The following TTC23L variants were observed in gnomAD, a reference collection of about 807,000 sequenced individuals.
TTC23L encodes tetratricopeptide repeat protein 23-like.
A neutral mutation model predicts 48.1 loss-of-function variants in TTC23L; 42 were observed. The observed-to-expected ratio is 0.87, with a 90% CI of 0.68 to 1.13. TTC23L has a LOEUF of 1.13. TTC23L is among the 50% of genes most tolerant of loss of function. TTC23L has a pLI of 0.00. For missense variants in TTC23L, 391 were observed against 421.0 expected, an observed-to-expected ratio of 0.93 and a Z score of 0.62; for synonymous variants, 159 against 157.2, an observed-to-expected ratio of 1.01 and a Z score of -0.09.
At chr5:34,916,057 T>G in the TTC23L span, 1 of 826,214 alleles carries the variant, frequency 1.2e-6, no homozygotes, top group Non-Finnish European at 1.8e-6. Flanking sequence ...GCACGGAGTT[T>G]GCAGCTAATC....
downstream of TTC23L, among the ~76,000 whole-genome samples, chr5:34,902,928 C>T (rs983065318): frequency 1.3e-5 from 2 of 149,344 alleles, no homozygotes; most frequent in Non-Finnish European, 3.0e-5. Context: ...TTTTCACATA[C>T]GTAGTTGAAA....
At chr5:34,864,369 T>G in intron 5 of TTC23L, 68 bp from the exon 6 acceptor site, 1 of 1,555,760 alleles carries the variant, frequency 6.4e-7, no homozygotes, top group African/African-American at 1.4e-5. Context: ...TTTTGTTTCC[T>G]TATCACCTGC....
At chr5:34,911,984 A>C in the TTC23L span, among the ~76,000 whole-genome samples, 8 of 152,254 alleles carry the variant, frequency 5.3e-5, no homozygotes, top group Non-Finnish European at 1.2e-4. Flanking sequence ...TTGTGTGTAG[A>C]GAATTCCAAA....
intron 8 of TTC23L, among the ~76,000 whole-genome samples, chr5:34,878,423 A>C (rs1333157722): frequency 6.6e-6 from 1 of 152,214 alleles, no homozygotes; most frequent in African/African-American, 2.4e-5. Context: ...GACTCAATAA[A>C]AAAATATAAA....
intron 8 of TTC23L, among the ~76,000 whole-genome samples, chr5:34,875,918 A>G (rs1434470902): frequency 6.6e-6 from 1 of 152,222 alleles, no homozygotes; most frequent in Admixed American, 6.5e-5. Context: ...CAAATTTAAA[A>G]GAAAATGTAC....
intron 9 of TTC23L, among the ~76,000 whole-genome samples, chr5:34,888,058 G>A (rs1014798247): frequency 6.6e-6 from 1 of 152,212 alleles, no homozygotes; most frequent in African/African-American, 2.4e-5. Flanking sequence ...AAGGTGACTA[G>A]GACTCAAGGT....
chr5:34,921,561 C>T, the TTC23L span: 2 of 152,016 alleles, frequency 1.3e-5, no homozygotes, highest in Non-Finnish European at 2.9e-5. Context: ...ATGCTTTATC[C>T]GTAGGGCATC....
intron 3 of TTC23L, among the ~76,000 whole-genome samples, chr5:34,846,600 T>TATATATATATATATATATATATAC (rs61009546): frequency 4.3e-5 from 4 of 92,912 alleles, no homozygotes; most frequent in African/African-American, 1.0e-4. Context: ...TATATATATA[T>TATATATATATATATATATATATAC]ACACACACAT....
At chr5:34,889,850 GTTTTTT>G (rs1040767142) in intron 9 of TTC23L, among the ~76,000 whole-genome samples, 2 of 149,964 alleles carry the variant, frequency 1.3e-5, no homozygotes, top group Non-Finnish European at 3.0e-5. Flanking sequence ...TTTTGTTTTT[GTTTTTT>G]TGAGACAGAG....
At chr5:34,846,654 C>CAT (rs200846206) in intron 3 of TTC23L, among the ~76,000 whole-genome samples, 2 of 89,438 alleles carry the variant, frequency 2.2e-5, no homozygotes, top group Non-Finnish European at 4.7e-5. Context: ...TATACAAATA[C>CAT]ATATATGTGT....
chr5:34,840,571 G>C lies in TTC23L; in HGVS notation c.-7-94G>C. 11 of 1,049,562 alleles carry C rather than the reference G, an allele frequency of 1.0e-5. No homozygotes were observed. The South Asian group carries it at 1.3e-4, about 12-fold the overall frequency. 65.0% of individuals were successfully genotyped at this position (1,049,562 alleles called of 1,614,324 possible). ...TTAGGATGGGTTATATATTTGAGCA[G>C]TTTTAGTTTAATGTTAATAGCAAAC... On this transcript the variant is annotated intron_variant, in intron 1 of 10. Transcript: ENST00000505624.
chr5:34,913,604 T>C, the TTC23L span: 1 of 1,420,604 alleles, frequency 7.0e-7, no homozygotes, highest in Non-Finnish European at 9.7e-7. Context: ...AAATGAAAAT[T>C]GTTACATAAA....
chr5:34,861,321 A>G lies in TTC23L; in HGVS notation c.380-1577A>G, dbSNP rs182815515. The G allele has an allele frequency of 1.1e-3, 185 of 165,598 alleles. 1 individual carries two copies. The highest frequency in any genetic ancestry group is 4.3e-3 in the African/African-American group (178 of 41,846). The allele number at this position is 165,598 out of a possible 1,614,324, so 10.3% of individuals were successfully genotyped here. A position where few individuals can be genotyped will look rare whatever the true frequency, so the allele number is the denominator to read the frequency against. On this transcript the variant is annotated intron_variant, in intron 4 of 10. Coordinates refer to ENST00000505624, the Ensembl canonical transcript of TTC23L. ...TTACTTTGCCAGTTTGCTGACCTTT[A>G]TAGTGTCCTTGCACAATCTGAACTT...
intron 3 of TTC23L, among the ~76,000 whole-genome samples, chr5:34,846,576 A>AAAAAT (rs1208315692): frequency 1.0e-5 from 1 of 98,346 alleles, no homozygotes; most frequent in East Asian, 2.2e-4. Flanking sequence ...AAAAAAAAAA[A>AAAAAT]ATATATATAT....
At chr5:34,850,421 C>T (rs975884589) in intron 4 of TTC23L, 113 bp downstream of exon 4, 1 of 1,300,658 alleles carries the variant, frequency 7.7e-7, no homozygotes, top group Non-Finnish European at 1.1e-6. Context: ...GCCCCTAGCT[C>T]ACACATTATC....
chr5:34,908,744 A>G, the TTC23L span: 1 of 1,562,446 alleles, frequency 6.4e-7, no homozygotes, highest in Non-Finnish European at 8.7e-7. Flanking sequence ...TGTACACATA[A>G]ATATCAGTGA....
At chr5:34,919,890 T>C in the TTC23L span, 1 of 1,117,674 alleles carries the variant, frequency 8.9e-7, no homozygotes, top group Non-Finnish European at 1.3e-6. Context: ...CGAGGTAATT[T>C]TGGAAAGTAA....
chr5:34,893,518 A>G (rs959562190), intron 9 of TTC23L, among the ~76,000 whole-genome samples: 4 of 152,208 alleles, frequency 2.6e-5, no homozygotes, highest in Admixed American at 2.6e-4. Flanking sequence ...CTTATTTCAG[A>G]GAGAATATAA....
At chr5:34,873,508 C>T (rs990533794) in intron 8 of TTC23L, among the ~76,000 whole-genome samples, 1 of 152,130 alleles carries the variant, frequency 6.6e-6, no homozygotes, top group Non-Finnish European at 1.5e-5. Flanking sequence ...GGAGAACCGG[C>T]AGCTTTGCTG....
Sources: gnomAD v4.1 joint callset for allele counts (sites outside exome capture counted in the v4.1 genomes callset) on GRCh38, gnomAD v4.1.1 for gene constraint, MANE v1.5 for transcripts, NCBI Gene and HGNC (gene_info 2026-07-23, HGNC 2026-07-21) for gene names.